The following GRM1 variants were observed in gnomAD, a reference collection of about 807,000 sequenced individuals.
GRM1 encodes the protein metabotropic glutamate receptor 1.
GRM1 carries 33 observed loss-of-function variants against 90.9 expected under a neutral mutation model. The ratio of observed to expected loss-of-function variants is 0.36; its 90% CI spans 0.28 to 0.49. GRM1 has a LOEUF of 0.49. GRM1 is among the 20% of genes least tolerant of loss of function. GRM1 has a pLI of 0.99. For synonymous variants in GRM1, 700 were observed against 613.2 expected, an observed-to-expected ratio of 1.14 and a Z score of -2.09; for missense variants, 1,190 against 1,534.3, an observed-to-expected ratio of 0.78 and a Z score of 3.75.
At chr6:146,364,173 G>A (rs1177762175) in intron 5 of GRM1, among the ~76,000 whole-genome samples, 1 of 152,136 alleles carries the variant, frequency 6.6e-6, no homozygotes, top group Non-Finnish European at 1.5e-5. Context: ...GTCACATTGT[G>A]ACTGTATTTC....
chr6:146,077,183 G>A (rs555422854), intron 1 of GRM1, among the ~76,000 whole-genome samples: 8 of 152,230 alleles, frequency 5.3e-5, no homozygotes, highest in Non-Finnish European at 1.0e-4. Context: ...AAAATATTTG[G>A]GGCCTGATTT....
At chr6:146,184,488 G>T (rs1208156522) in intron 2 of GRM1, among the ~76,000 whole-genome samples, 3 of 151,882 alleles carry the variant, frequency 2.0e-5, no homozygotes, top group African/African-American at 7.3e-5. Context: ...GGACTGCTGT[G>T]ATAATATACT....
chr6:146,089,265 C>T (rs981668236), intron 1 of GRM1, among the ~76,000 whole-genome samples: 1 of 152,076 alleles, frequency 6.6e-6, no homozygotes, highest in African/African-American at 2.4e-5. Flanking sequence ...CAGCAAGAAG[C>T]CAGAGAGCTC....
At chr6:146,303,223 C>T (rs538992279) in intron 2 of GRM1, among the ~76,000 whole-genome samples, 3 of 152,252 alleles carry the variant, frequency 2.0e-5, no homozygotes, top group African/African-American at 7.2e-5. Flanking sequence ...AATGTTTGCC[C>T]AGTCCCTTCT....
intron 1 of GRM1, among the ~76,000 whole-genome samples, chr6:146,109,747 G>A (rs1269758987): frequency 6.6e-6 from 1 of 152,188 alleles, no homozygotes; most frequent in Non-Finnish European, 1.5e-5. Flanking sequence ...CAGCCAGAAG[G>A]GAGGCTGTAC....
At chr6:146,239,176 A>G (rs1387751369) in intron 2 of GRM1, among the ~76,000 whole-genome samples, 1 of 152,172 alleles carries the variant, frequency 6.6e-6, no homozygotes, top group East Asian at 1.9e-4. Context: ...AACAAATAAC[A>G]CAACTGTAAA....
intron 2 of GRM1, among the ~76,000 whole-genome samples, chr6:146,270,105 T>C (rs533414967): frequency 2.0e-5 from 3 of 152,278 alleles, no homozygotes; most frequent in Non-Finnish European, 4.4e-5. Flanking sequence ...AAGGGCCTGC[T>C]AGCTGGAAAA....
At chr6:146,071,587 A>C (rs923704295) in intron 1 of GRM1, among the ~76,000 whole-genome samples, 1 of 152,164 alleles carries the variant, frequency 6.6e-6, no homozygotes, top group Admixed American at 6.6e-5. Context: ...CATTACTAAA[A>C]TCTGTTACTT....
At chr6:146,428,477 G>A (rs1435735022) in intron 7 of GRM1, among the ~76,000 whole-genome samples, 1 of 152,066 alleles carries the variant, frequency 6.6e-6, no homozygotes, top group Non-Finnish European at 1.5e-5. Flanking sequence ...TGGGAAATTG[G>A]CAAATTAGAA....
At chr6:146,350,674 T>A (rs1415924284) in intron 3 of GRM1, among the ~76,000 whole-genome samples, 1 of 152,178 alleles carries the variant, frequency 6.6e-6, no homozygotes, top group South Asian at 2.1e-4. Context: ...GTGACAGACA[T>A]AAGCTACTCT....
chr6:146,135,923 C>T (rs1313679005), intron 1 of GRM1, among the ~76,000 whole-genome samples: 1 of 152,104 alleles, frequency 6.6e-6, no homozygotes, highest in Non-Finnish European at 1.5e-5. Flanking sequence ...ACTTTCCCCT[C>T]ACCCCCCAAC....
rs188371341 is a variant in GRM1 at position 146,321,066 on chromosome 6, G to A, written c.1186+16220G>A. Among the ~76,000 whole-genome samples, 17 of 151,838 alleles carry A rather than the reference G, an allele frequency of 1.1e-4. No individual in the cohort carries two copies. The East Asian group carries it at 1.2e-3, about 10-fold the overall frequency. On this transcript the variant is annotated intron_variant, in intron 3 of 7. Transcript: ENST00000282753. ...CTAGTTCTTTTAATTGTGATGTTAC[G>A]GTATTGATTTTATATCTTTCTCACT...
At chr6:146,245,659 C>T (rs1471862582) in intron 2 of GRM1, among the ~76,000 whole-genome samples, 1 of 152,120 alleles carries the variant, frequency 6.6e-6, no homozygotes, top group Non-Finnish European at 1.5e-5. Flanking sequence ...TTCATTTTCT[C>T]AGAGTGCCTA....
At chr6:146,313,414 CTA>C (rs1455989464) in intron 3 of GRM1, among the ~76,000 whole-genome samples, 1 of 152,148 alleles carries the variant, frequency 6.6e-6, no homozygotes, top group African/African-American at 2.4e-5. Context: ...TGATTAAAAT[CTA>C]TGACTGTTCA....
intron 2 of GRM1, among the ~76,000 whole-genome samples, chr6:146,254,818 A>G (rs1418070239): frequency 6.6e-6 from 1 of 152,176 alleles, no homozygotes; most frequent in Non-Finnish European, 1.5e-5. Flanking sequence ...ATCAGTTCTT[A>G]TATCATCTTC....
chr6:146,148,015 T>G lies in GRM1; in HGVS notation c.701-11333T>G, dbSNP rs187098207. ...TGGTCTTTTAATCTAAGTATGTAGA[T>G]ATCACAGAAAGTGGCACATAGCCTA... On this transcript the variant is annotated intron_variant, in intron 1 of 7. Transcript: ENST00000282753. 3.1e-3 allele frequency among the ~76,000 whole-genome samples: 479 copies of G among 152,324 alleles called. 6 individuals carry two copies. Among genetic ancestry groups the G allele is most frequent in the African/African-American group, 0.011 (458 of 41,582 alleles).
chr6:146,388,860 A>G (rs1369448141), intron 6 of GRM1, among the ~76,000 whole-genome samples: 1 of 152,114 alleles, frequency 6.6e-6, no homozygotes, highest in African/African-American at 2.4e-5. Context: ...TGAGGGAATT[A>G]GGAAGAAGGG....
intron 2 of GRM1, among the ~76,000 whole-genome samples, chr6:146,213,012 A>G (rs920893831): frequency 1.3e-5 from 2 of 151,968 alleles, no homozygotes; most frequent in South Asian, 2.1e-4. Context: ...TACAGAGCTT[A>G]ATTGTGCATT....
intron 1 of GRM1, among the ~76,000 whole-genome samples, chr6:146,106,146 G>C (rs1292097225): frequency 6.6e-6 from 1 of 152,164 alleles, no homozygotes; most frequent in Non-Finnish European, 1.5e-5. Flanking sequence ...TTGTCATGGG[G>C]TGGTAACATT....
Sources: gnomAD v4.1 joint callset for allele counts (sites outside exome capture counted in the v4.1 genomes callset) on GRCh38, gnomAD v4.1.1 for gene constraint, MANE v1.5 for transcripts, NCBI Gene and HGNC (gene_info 2026-07-23, HGNC 2026-07-21) for gene names.